Variants in ALG14 observed in about 807,000 individuals in gnomAD.
ALG14 encodes ALG14 UDP-N-acetylglucosaminyltransferase subunit.
ALG14 carries 17 observed loss-of-function variants against 22.8 expected under a neutral mutation model. That is an observed-to-expected ratio of 0.75 (90% CI 0.51 to 1.12). ALG14 has a LOEUF of 1.12. ALG14 is among the 50% of genes most tolerant of loss of function. The pLI is 0.00. For missense variants in ALG14, 288 were observed against 271.8 expected (o/e 1.06, Z -0.42); for synonymous variants, 89 against 103.7 (o/e 0.86, Z 0.86).
At chr1:95,044,684 C>T (rs560852963) in intron 2 of ALG14, among the ~76,000 whole-genome samples, 10 of 152,264 alleles carry the variant, frequency 6.6e-5, no homozygotes, top group African/African-American at 2.4e-4. Flanking sequence ...CACTGATCAC[C>T]TTCTAACAGA....
chr1:95,065,237 A>G (rs552034035), intron 1 of ALG14, among the ~76,000 whole-genome samples: 2 of 152,328 alleles, frequency 1.3e-5, no homozygotes, highest in Admixed American at 1.3e-4. Context: ...TAAAAATAAA[A>G]TCAGCACTAG....
At chr1:95,030,385 A>C (rs1673961441) in intron 2 of ALG14, among the ~76,000 whole-genome samples, 1 of 151,968 alleles carries the variant, frequency 6.6e-6, no homozygotes, top group Non-Finnish European at 1.5e-5. Flanking sequence ...TACAAACTAC[A>C]TTTGAATCCA....
At chr1:95,020,526 G>A (rs1673631815) in intron 3 of ALG14, among the ~76,000 whole-genome samples, 1 of 151,912 alleles carries the variant, frequency 6.6e-6, no homozygotes, top group Admixed American at 6.6e-5. Context: ...ATCGCCTGAG[G>A]TCAGGAGTTT....
intron 2 of ALG14, among the ~76,000 whole-genome samples, chr1:95,063,093 G>A (rs550213990): frequency 6.6e-6 from 1 of 152,306 alleles, no homozygotes; most frequent in South Asian, 2.1e-4. Flanking sequence ...CTGCATGAAT[G>A]TCTTCTTTTG....
chr1:94,978,989 A>T lies in ALG14; in HGVS notation c.*4087T>A, dbSNP rs1672447643. On this transcript the variant is annotated 3_prime_UTR_variant, in exon 4 of 4. Transcript: ENST00000370205. ...ACCTCTCTGTGGTGTAAATATTATA[A>T]AAAGTGGAACAAGGGCCGGACGTGT... is the stretch of plus-strand genomic sequence containing the variant. The T allele has an allele frequency of 6.6e-6, 1 of 152,148 alleles. No homozygotes were observed. Among genetic ancestry groups the T allele is most frequent in the Non-Finnish European group, 1.5e-5 (1 of 68,032 alleles). 9.4% of individuals were successfully genotyped at this position (152,148 alleles called of 1,614,324 possible). A position where few individuals can be genotyped will look rare whatever the true frequency, so the allele number is the denominator to read the frequency against.
intron 2 of ALG14, among the ~76,000 whole-genome samples, chr1:95,054,004 A>G (rs1011570360): frequency 6.6e-5 from 10 of 152,212 alleles, no homozygotes; most frequent in African/African-American, 2.4e-4. Flanking sequence ...GCTACATGTT[A>G]CTTACAGACA....
intron 2 of ALG14, among the ~76,000 whole-genome samples, chr1:95,032,010 T>C (rs953228546): frequency 2.0e-5 from 3 of 152,114 alleles, no homozygotes; most frequent in East Asian, 1.9e-4. Flanking sequence ...GGTTTCACCA[T>C]GTTGGTCAGG....
At position 95,052,458 on chromosome 1, in the gene ALG14, G is replaced by T. The variant is rs924361654; in HGVS notation, c.288+12408C>A. Among the ~76,000 whole-genome samples the T allele has an allele frequency of 7.9e-5, 12 of 152,136 alleles. No homozygotes were observed. The East Asian group carries it at 2.3e-3, about 29-fold the overall frequency. On this transcript the variant is annotated intron_variant, in intron 2 of 3. Transcript: ENST00000370205. Reference sequence around the variant, plus strand: ...AACACCTTGTTTAAGATGACAGCAAGAATGAGAAAAAAATAAAATAAAAAT... The same window carrying T: ...AACACCTTGTTTAAGATGACAGCAATAATGAGAAAAAAATAAAATAAAAAT...
chr1:95,004,849 A>G (rs1430597721), intron 3 of ALG14, among the ~76,000 whole-genome samples: 4 of 135,380 alleles, frequency 3.0e-5, no homozygotes, highest in African/African-American at 1.2e-4. Flanking sequence ...TCTGTTGCCC[A>G]GGCTGGAGTG....
chr1:94,981,748 G>GT lies in ALG14; in HGVS notation c.*1327dup, dbSNP rs1198815818. ...TTAGAGGGAAGGAAATGGAATTCCT[G>GT]TTTTTGAGGAGCTCCTGGGCCAGGC... On this transcript the variant is annotated 3_prime_UTR_variant, in exon 4 of 4. Transcript: ENST00000370205. The GT allele has an allele frequency of 6.7e-6, 1 of 148,406 alleles. No homozygotes were observed. Among genetic ancestry groups the GT allele is most frequent in the Non-Finnish European group, 1.5e-5 (1 of 67,350 alleles). 9.2% of individuals were successfully genotyped at this position (148,406 alleles called of 1,614,324 possible).
chr1:95,060,129 A>T (rs375564232), intron 2 of ALG14, among the ~76,000 whole-genome samples: 1 of 142,942 alleles, frequency 7.0e-6, no homozygotes, highest in Non-Finnish European at 1.5e-5. Flanking sequence ...TACACACACA[A>T]ACACACACAC....
At chr1:95,045,094 A>G (rs540627822) in intron 2 of ALG14, among the ~76,000 whole-genome samples, 4 of 152,036 alleles carry the variant, frequency 2.6e-5, no homozygotes, top group Middle Eastern at 3.4e-3. Context: ...CTCTTTCTTC[A>G]TTATTTTTCT....
At chr1:94,986,239 A>G (rs989566323) in intron 3 of ALG14, among the ~76,000 whole-genome samples, 2 of 152,082 alleles carry the variant, frequency 1.3e-5, no homozygotes, top group Non-Finnish European at 2.9e-5. Flanking sequence ...CTTCCTCACT[A>G]CTCTGTAAGC....
chr1:95,020,187 A>C (rs1673622455), intron 3 of ALG14, among the ~76,000 whole-genome samples: 1 of 152,080 alleles, frequency 6.6e-6, no homozygotes, highest in Non-Finnish European at 1.5e-5. Context: ...ACTGCACTCC[A>C]GCCTGGGCAA....
At chr1:95,021,959 C>T (rs1571615480) in intron 3 of ALG14, among the ~76,000 whole-genome samples, 1 of 152,122 alleles carries the variant, frequency 6.6e-6, no homozygotes, top group African/African-American at 2.4e-5. Flanking sequence ...AGGAAGAGTC[C>T]CCACCAGCCT....
chr1:95,022,503 A>G (rs1443876637), intron 3 of ALG14: 1 of 347,980 alleles, frequency 2.9e-6, no homozygotes, highest in African/African-American at 2.2e-5. Context: ...GTCCTTCTGT[A>G]TCTTTAAGGA....
At chr1:95,048,447 G>A (rs1380062721) in intron 2 of ALG14, among the ~76,000 whole-genome samples, 2 of 152,134 alleles carry the variant, frequency 1.3e-5, no homozygotes, top group Non-Finnish European at 2.9e-5. Flanking sequence ...TGCCAAGGGA[G>A]GCAGTTAAGA....
At chr1:95,004,341 C>T (rs1673148919) in intron 3 of ALG14, among the ~76,000 whole-genome samples, 1 of 151,646 alleles carries the variant, frequency 6.6e-6, no homozygotes. Flanking sequence ...CATGACTCAG[C>T]CTCCTCAGTA....
At chr1:94,998,708 C>A (rs1167521277) in intron 3 of ALG14, among the ~76,000 whole-genome samples, 1 of 152,130 alleles carries the variant, frequency 6.6e-6, no homozygotes, top group African/African-American at 2.4e-5. Flanking sequence ...TTTGGGTAAG[C>A]CAATTTTCTT....
Sources: allele counts gnomAD v4.1 joint callset (sites outside exome capture counted in the v4.1 genomes callset), GRCh38; gene constraint gnomAD v4.1.1; transcripts MANE v1.5; gene names NCBI Gene and HGNC (gene_info 2026-07-23, HGNC 2026-07-21).